Variants in ADAMTS17 observed in about 807,000 individuals in gnomAD.
ADAMTS17 encodes the protein A disintegrin and metalloproteinase with thrombospondin motifs 17.
ADAMTS17 carries 113 observed loss-of-function variants against 141.5 expected under a neutral mutation model. That is an observed-to-expected ratio of 0.80 (90% confidence interval 0.69 to 0.93). The LOEUF (loss-of-function observed/expected upper bound fraction) is 0.93, where lower values mean the gene tolerates loss of function less well. Among genes scored for constraint, ADAMTS17 ranks in the 40% least tolerant of loss-of-function variants. The pLI is 0.00. For synonymous variants in ADAMTS17, 768 were observed against 630.6 expected (o/e 1.22, Z -3.27); for missense variants, 1,659 against 1,517.9 (o/e 1.09, Z -1.54).
intron 10 of ADAMTS17, among the ~76,000 whole-genome samples, chr15:100,143,167 G>A (rs1001336133): frequency 3.3e-5 from 5 of 152,152 alleles, no homozygotes; most frequent in South Asian, 2.1e-4. Flanking sequence ...GTGAGAAAGC[G>A]GTGGGACTTT....
At chr15:100,168,600 C>T (rs1212473525) in intron 8 of ADAMTS17, 1 of 152,226 alleles carries the variant, frequency 6.6e-6, no homozygotes. Context: ...GAGGAACTTG[C>T]TGCTAACAGT....
chr15:100,252,621 C>G (rs1596366213), intron 7 of ADAMTS17, among the ~76,000 whole-genome samples: 4 of 152,274 alleles, frequency 2.6e-5, no homozygotes, highest in African/African-American at 9.6e-5. Context: ...AGACAGAGGT[C>G]AGCCGGTACA....
At chr15:100,071,994 T>C (rs2034004117) in intron 15 of ADAMTS17, among the ~76,000 whole-genome samples, 1 of 150,224 alleles carries the variant, frequency 6.7e-6, no homozygotes, top group Admixed American at 6.7e-5. Context: ...CATGACTGTA[T>C]ATCTAGAAAA....
At chr15:100,026,911 C>A (rs1354337454) in intron 18 of ADAMTS17, among the ~76,000 whole-genome samples, 3 of 152,200 alleles carry the variant, frequency 2.0e-5, no homozygotes, top group Non-Finnish European at 4.4e-5. Flanking sequence ...ACACTCACAC[C>A]AGCAATGACA....
At chr15:100,162,330 A>T (rs970197555) in intron 8 of ADAMTS17, among the ~76,000 whole-genome samples, 2 of 150,018 alleles carry the variant, frequency 1.3e-5, no homozygotes, top group Non-Finnish European at 3.0e-5. Context: ...AAGTGTAGGT[A>T]TATACCTGTC....
intron 7 of ADAMTS17, among the ~76,000 whole-genome samples, chr15:100,235,274 C>G (rs138691293): frequency 6.6e-6 from 1 of 152,186 alleles, no homozygotes; most frequent in African/African-American, 2.4e-5. Flanking sequence ...GTCAGTAGGG[C>G]TGGTGGCAGG....
rs1437106067 is a variant in ADAMTS17 at position 100,010,491 on chromosome 15, C to A, written c.2592-12902G>T. Among the ~76,000 whole-genome samples, 5 of 152,236 alleles carry A rather than the reference C, an allele frequency of 3.3e-5. No individual in the cohort carries two copies. The South Asian group carries it at 1.0e-3, about 32-fold the overall frequency. ...GGCCCTTCCCAGTGCACCTGCAACA[C>A]TGTTCTCCACGTGTGCTGCGAGCCT... is the stretch of plus-strand genomic sequence containing the variant. On this transcript the variant is annotated intron_variant, in intron 18 of 21. Transcript: ENST00000268070.
At chr15:100,303,597 T>C (rs1263234235) in intron 3 of ADAMTS17, among the ~76,000 whole-genome samples, 5 of 152,176 alleles carry the variant, frequency 3.3e-5, no homozygotes, top group African/African-American at 1.2e-4. Flanking sequence ...TTTTAGCTCT[T>C]AAATTTAGGT....
At chr15:100,153,243 T>C (rs1404645796) in intron 9 of ADAMTS17, among the ~76,000 whole-genome samples, 2 of 152,238 alleles carry the variant, frequency 1.3e-5, no homozygotes, top group Admixed American at 1.3e-4. Flanking sequence ...GGTGTCTCAC[T>C]TGACCACGCT....
At chr15:100,206,898 A>G (rs2041590945) in intron 7 of ADAMTS17, among the ~76,000 whole-genome samples, 1 of 152,204 alleles carries the variant, frequency 6.6e-6, no homozygotes, top group South Asian at 2.1e-4. Context: ...CACAGTTATT[A>G]GAGCAGCCAC....
At chr15:100,155,075 A>G (rs994616378) in intron 9 of ADAMTS17, 105 bp downstream of exon 9, 17 of 1,568,210 alleles carry the variant, frequency 1.1e-5, no homozygotes, top group Admixed American at 5.1e-5. Context: ...GCAAATCCCA[A>G]AAGAGAGTCA....
intron 18 of ADAMTS17, among the ~76,000 whole-genome samples, chr15:100,012,205 T>C (rs143475660): frequency 1.9e-3 from 285 of 152,366 alleles, no homozygotes; most frequent in Non-Finnish European, 3.5e-3. Flanking sequence ...TTGAGAACTG[T>C]CTATTCATGT....
intron 15 of ADAMTS17, among the ~76,000 whole-genome samples, chr15:100,059,282 C>A (rs1205427834): frequency 6.6e-6 from 1 of 152,256 alleles, no homozygotes; most frequent in Non-Finnish European, 1.5e-5. Flanking sequence ...CTGCCTGTGG[C>A]CATCGCCGCA....
intron 8 of ADAMTS17, among the ~76,000 whole-genome samples, chr15:100,176,342 T>A (rs2040338316): frequency 6.6e-6 from 1 of 152,158 alleles, no homozygotes; most frequent in Non-Finnish European, 1.5e-5. Context: ...GTTCTCAAAC[T>A]AGGCTACGTG....
intron 3 of ADAMTS17, among the ~76,000 whole-genome samples, chr15:100,329,648 C>T (rs1023540562): frequency 1.2e-4 from 19 of 152,070 alleles, no homozygotes; most frequent in African/African-American, 4.6e-4. Context: ...GTCTTCCTCA[C>T]TTTTGTAAGG....
chr15:100,087,593 A>G (rs2035191223), intron 15 of ADAMTS17, among the ~76,000 whole-genome samples: 1 of 152,220 alleles, frequency 6.6e-6, no homozygotes, highest in Non-Finnish European at 1.5e-5. Context: ...TCCTCATTAA[A>G]ATACTGGCAA....
intron 8 of ADAMTS17, among the ~76,000 whole-genome samples, chr15:100,169,630 G>A (rs76397277): frequency 0.036 from 5,451 of 152,228 alleles, 180 homozygotes; most frequent in East Asian, 0.17. Flanking sequence ...GGATGCAATT[G>A]CCCCCACACT....
chr15:100,248,353 G>A (rs2043050164), intron 7 of ADAMTS17, among the ~76,000 whole-genome samples: 1 of 152,196 alleles, frequency 6.6e-6, no homozygotes, highest in Non-Finnish European at 1.5e-5. Flanking sequence ...GCAACACTCA[G>A]ACACCTGCCT....
intron 20 of ADAMTS17, 107 bp downstream of exon 20, chr15:99,992,941 C>A: frequency 1.4e-6 from 2 of 1,426,528 alleles, no homozygotes; most frequent in Middle Eastern, 2.4e-4. Context: ...TGCCTAGTTA[C>A]GCTGGGACTG....
Sources: allele counts gnomAD v4.1 joint callset (sites outside exome capture counted in the v4.1 genomes callset), GRCh38; gene constraint gnomAD v4.1.1; transcripts MANE v1.5; gene names NCBI Gene and HGNC (gene_info 2026-07-23, HGNC 2026-07-21).